Variants in TUSC3 observed in about 807,000 individuals in gnomAD.
TUSC3 encodes tumor suppressor candidate 3.
Under a neutral mutation model 44.8 loss-of-function variants are expected in TUSC3, and 45 were observed. The observed-to-expected ratio is 1.00, with a 90% CI of 0.79 to 1.29. The LOEUF is 1.29. Among genes scored for constraint, TUSC3 ranks in the 50% most tolerant of loss-of-function variants. The probability of loss-of-function intolerance (pLI) is 0.00; values close to 1 mark genes in which losing one functional copy is unlikely to be tolerated. For missense variants in TUSC3, 519 were observed against 437.9 expected (o/e 1.19, Z -1.65); for synonymous variants, 212 against 152.9 (o/e 1.39, Z -2.85).
At chr8:15,535,915 C>T (rs764394346), upstream of TUSC3, among the ~76,000 whole-genome samples, 8 of 152,266 alleles carry the variant, frequency 5.3e-5, no homozygotes, top group Non-Finnish European at 1.2e-4. Context: ...TCGTGGCCTG[C>T]GGGTTGCATG....
chr8:15,590,981 T>C (rs868038733), intron 1 of TUSC3, among the ~76,000 whole-genome samples: 3 of 152,146 alleles, frequency 2.0e-5, no homozygotes, highest in African/African-American at 7.2e-5. Context: ...GCCTATAATT[T>C]GTTTTGCCAG....
intron 2 of TUSC3, among the ~76,000 whole-genome samples, chr8:15,644,990 G>C (rs992169596): frequency 6.6e-6 from 1 of 151,654 alleles, no homozygotes; most frequent in African/African-American, 2.4e-5. Context: ...GTTATGGCTT[G>C]CCAGGTTGCA....
intron 6 of TUSC3, among the ~76,000 whole-genome samples, chr8:15,720,189 T>G (rs1318502915): frequency 1.0e-5 from 1 of 99,144 alleles, no homozygotes; most frequent in Admixed American, 1.1e-4. Context: ...TTAAATATAG[T>G]GTATATATAT....
chr8:15,729,827 A>C (rs1488807304), intron 6 of TUSC3, among the ~76,000 whole-genome samples: 1 of 152,038 alleles, frequency 6.6e-6, no homozygotes, highest in Non-Finnish European at 1.5e-5. Context: ...TTTCCCATGT[A>C]ACAAATCTGC....
At chr8:15,432,895 G>C (rs1431147764) in intron 1 of TUSC3, among the ~76,000 whole-genome samples, 1 of 152,164 alleles carries the variant, frequency 6.6e-6, no homozygotes, top group Admixed American at 6.5e-5. Flanking sequence ...ACCCCGGTAG[G>C]TTAGCCTCTG....
intron 2 of TUSC3, among the ~76,000 whole-genome samples, chr8:15,512,775 T>TCCAC: frequency 5.8e-5 from 1 of 17,244 alleles, no homozygotes; most frequent in South Asian, 8.9e-3. Context: ...TCTGTTTCAG[T>TCCAC]CAACCAATCA....
chr8:15,449,098 C>T lies in TUSC3; in HGVS notation n.91+31793C>T, dbSNP rs1800159400. Among the ~76,000 whole-genome samples the T allele has an allele frequency of 4.6e-5, 7 of 152,100 alleles. No homozygotes were observed. In the South Asian group the frequency reaches 1.5e-3, roughly 32 times the overall value. ...CTTTATTTCTCATAAAGCGTTGTAGCCTGTATATGGTCATTCTGACAAGCT... is the reference window on the plus strand; with the variant it reads ...CTTTATTTCTCATAAAGCGTTGTAGTCTGTATATGGTCATTCTGACAAGCT... On this transcript the variant is annotated intron_variant and non_coding_transcript_variant, in intron 1 of 5. Coordinates refer to the TUSC3 transcript ENST00000503191.
At chr8:15,675,448 T>C (rs975357156) in intron 6 of TUSC3, among the ~76,000 whole-genome samples, 19 of 152,032 alleles carry the variant, frequency 1.2e-4, no homozygotes, top group Admixed American at 5.3e-4. Context: ...TTTTTTTTTC[T>C]TTGGTTGTTA....
At chr8:15,508,432 G>A (rs1164488623) in intron 2 of TUSC3, among the ~76,000 whole-genome samples, 1 of 148,894 alleles carries the variant, frequency 6.7e-6, no homozygotes, top group Admixed American at 6.7e-5. Flanking sequence ...AGGTAACTTT[G>A]AGGTAGTTTA....
intron 1 of TUSC3, among the ~76,000 whole-genome samples, chr8:15,564,951 A>G (rs184501997): frequency 6.6e-6 from 1 of 152,292 alleles, no homozygotes; most frequent in African/African-American, 2.4e-5. Flanking sequence ...ATTCATGGGC[A>G]GATATGAGGT....
the TUSC3 span, among the ~76,000 whole-genome samples, chr8:15,844,980 A>G: frequency 2.0e-5 from 3 of 152,152 alleles, no homozygotes; most frequent in Non-Finnish European, 4.4e-5. Context: ...ATAATAAGAA[A>G]ACTTAAAAAA....
intron 1 of TUSC3, among the ~76,000 whole-genome samples, chr8:15,544,400 T>A (rs188590330): frequency 1.3e-5 from 2 of 151,764 alleles, no homozygotes; most frequent in Non-Finnish European, 2.9e-5. Flanking sequence ...GCAGCTGTTA[T>A]AATAATTAAT....
rs7357381 is a variant in TUSC3 at position 15,564,977 on chromosome 8, G to T, written c.138+24409G>T. ...GATATGAGGTTTGAAGCATTGTTCAGGGAAGTCCAGGATGACCATTGTATG... is the reference window on the plus strand; with the variant it reads ...GATATGAGGTTTGAAGCATTGTTCATGGAAGTCCAGGATGACCATTGTATG... On this transcript the variant is annotated intron_variant, in intron 1 of 10. Coordinates refer to ENST00000503731, the MANE Select transcript of TUSC3 (RefSeq NM_006765.4). 1.8e-3 allele frequency among the ~76,000 whole-genome samples: 274 copies of T among 152,240 alleles called. 3 individuals carry two copies. In the East Asian group the frequency reaches 0.021, roughly 11 times the overall value.
At chr8:15,752,096 G>T (rs2062442524) in intron 9 of TUSC3, among the ~76,000 whole-genome samples, 1 of 152,086 alleles carries the variant, frequency 6.6e-6, no homozygotes, top group Admixed American at 6.6e-5. Context: ...CTAAGTGGCT[G>T]GCAGATCTGT....
chr8:15,705,851 T>TA (rs1332994903), intron 6 of TUSC3, among the ~76,000 whole-genome samples: 1 of 152,148 alleles, frequency 6.6e-6, no homozygotes, highest in Admixed American at 6.6e-5. Flanking sequence ...CTTTACAACT[T>TA]ACATATTATC....
At chr8:15,488,962 A>T (rs1800771022) in intron 2 of TUSC3, among the ~76,000 whole-genome samples, 1 of 152,162 alleles carries the variant, frequency 6.6e-6, no homozygotes, top group African/African-American at 2.4e-5. Context: ...TTCCCCAGTA[A>T]TCTCAGTCTC....
chr8:15,667,109 C>T (rs1563162496), intron 5 of TUSC3, among the ~76,000 whole-genome samples: 2 of 151,518 alleles, frequency 1.3e-5, no homozygotes, highest in African/African-American at 4.8e-5. Flanking sequence ...GGATCTACTA[C>T]ACTTCATGCA....
chr8:15,733,607 A>G (rs970018539), intron 7 of TUSC3: 1 of 175,438 alleles, frequency 5.7e-6, no homozygotes, highest in Admixed American at 6.4e-5. Flanking sequence ...AGATCTTAGC[A>G]GTGATACATA....
At chr8:15,849,528 CAAAG>C in the TUSC3 span, among the ~76,000 whole-genome samples, 1 of 152,078 alleles carries the variant, frequency 6.6e-6, no homozygotes, top group South Asian at 2.1e-4. Context: ...AAATAAAAGA[CAAAG>C]AAAGCCCAAC....
Sources: allele counts gnomAD v4.1 joint callset (sites outside exome capture counted in the v4.1 genomes callset), GRCh38; gene constraint gnomAD v4.1.1; transcripts MANE v1.5; gene names NCBI Gene and HGNC (gene_info 2026-07-23, HGNC 2026-07-21).